SEC62: variants seen among roughly 807,000 people sequenced by gnomAD.
The protein encoded by SEC62 is translocation protein SEC62.
A neutral mutation model predicts 47.5 loss-of-function variants in SEC62; 10 were observed. The ratio of observed to expected loss-of-function variants is 0.21; its 90% CI spans 0.13 to 0.36. The LOEUF (loss-of-function observed/expected upper bound fraction) is 0.36. SEC62 is among the 10% of genes least tolerant of loss of function. The probability of loss-of-function intolerance (pLI) is 1.00; values close to 1 mark genes in which losing one functional copy is unlikely to be tolerated. For synonymous variants in SEC62, 136 were observed against 150.5 expected, an observed-to-expected ratio of 0.90 and a Z score of 0.71; for missense variants, 327 against 464.1, an observed-to-expected ratio of 0.70 and a Z score of 2.71.
At chr3:169,973,663 A>C (rs75254730) in intron 1 of SEC62, among the ~76,000 whole-genome samples, 1 of 121,414 alleles carries the variant, frequency 8.2e-6, no homozygotes, top group African/African-American at 4.9e-5. Context: ...ACTGCGTCTC[A>C]AAAAAAAAAA....
At chr3:169,976,599 G>A (rs532744170) in intron 2 of SEC62, among the ~76,000 whole-genome samples, 1 of 152,290 alleles carries the variant, frequency 6.6e-6, no homozygotes, top group South Asian at 2.1e-4. Flanking sequence ...TACTTGCAGG[G>A]AGTGGTGAAC....
chr3:169,988,410 T>C lies in SEC62; in HGVS notation c.730+51T>C, dbSNP rs1380605081. The C allele has an allele frequency of 3.8e-6, 6 of 1,590,620 alleles. No individual in the cohort carries two copies. In the South Asian group the frequency reaches 6.8e-5, roughly 18 times the overall value. Reference sequence around the variant, plus strand: ...CCTCAAGAAGGTTGGTATTGAGCAGTTGGACTGTAATTTGGAGCTTCAGTA... The same window carrying C: ...CCTCAAGAAGGTTGGTATTGAGCAGCTGGACTGTAATTTGGAGCTTCAGTA... On this transcript the variant is annotated intron_variant, in intron 7 of 7. Coordinates refer to ENST00000337002, the MANE Select transcript of SEC62 (RefSeq NM_003262.4).
rs570036866 is a variant in SEC62, at chr3:169,983,983, G to A, written c.549+730G>A. ...ATGCTTTATGCTTATCATTTGTAAT[G>A]GAAGATTTGTATGGTGGTAGCCTTC... is the stretch of plus-strand genomic sequence containing the variant. On this transcript the variant is annotated intron_variant, in intron 5 of 7. Transcript: ENST00000337002. 4.6e-5 allele frequency: 7 copies of A among 152,296 alleles called. No homozygotes were observed. The South Asian group carries it at 8.3e-4, about 18-fold the overall frequency. 9.4% of individuals were successfully genotyped at this position (152,296 alleles called of 1,614,324 possible).
chr3:169,995,923 A>G lies in SEC62; in HGVS notation c.*2860A>G, dbSNP rs1176056778. On this transcript the variant is annotated 3_prime_UTR_variant, in exon 8 of 8. Transcript: ENST00000337002. ...AGCTTATCTGACACATAAGCTTCAT[A>G]AGGCACACAACAGCCTTTTTACCCT... is the stretch of plus-strand genomic sequence containing the variant. 6.6e-6 allele frequency: 1 copy of G among 152,234 alleles called. No individual in the cohort carries two copies. Among genetic ancestry groups the G allele is most frequent in the Non-Finnish European group, 1.5e-5 (1 of 68,040 alleles). The allele number at this position is 152,234 out of a possible 1,614,324, so 9.4% of individuals were successfully genotyped here.
At chr3:169,982,090 AT>A (rs202164900) in intron 3 of SEC62, among the ~76,000 whole-genome samples, 1,768 of 152,328 alleles carry the variant, frequency 0.012, 44 homozygotes, top group African/African-American at 0.041. Flanking sequence ...CCAGGAATAC[AT>A]CATGTTTTGC....
chr3:169,983,261 TA>T lies in SEC62; in HGVS notation c.549+10del. ...TTTCTGGATGGAAATGAGGTGAGAG[TA>T]AGCCTATAACTAGAAGTTCAGTTTT... On this transcript the variant is annotated intron_variant, in intron 5 of 7. Coordinates refer to ENST00000337002, the MANE Select transcript of SEC62 (RefSeq NM_003262.4). 6.3e-7 allele frequency: 1 copy of T among 1,593,890 alleles called. No individual in the cohort carries two copies.
At chr3:169,991,850 T>G (rs1715254984) in intron 7 of SEC62, among the ~76,000 whole-genome samples, 1 of 152,248 alleles carries the variant, frequency 6.6e-6, no homozygotes, top group Admixed American at 6.5e-5. Context: ...ATTTTCATTT[T>G]TATTTCTTTT....
Position 169,977,003 on chromosome 3 carries a change from A to C in SEC62, c.203A>C (p.Glu68Ala). The C allele has an allele frequency of 6.2e-7, 1 of 1,611,598 alleles. No homozygotes were observed. The highest frequency in any genetic ancestry group is 8.5e-7 in the Non-Finnish European group (1 of 1,178,356). ...DSKWAKAKKGEEALFTTRESV... is the reference protein window; with the variant it reads ...DSKWAKAKKGAEALFTTRESV... ...AAGTGGGCAAAGGCCAAGAAAGGAG[A>C]GGAAGCTTTATTTACAACCAGGGAG... Residue 68 changes from glutamate (E) to alanine (A), a missense_variant, in exon 3 of 8, where the codon GAG becomes GCG. Coordinates refer to ENST00000337002, the MANE Select transcript of SEC62 (RefSeq NM_003262.4).
chr3:169,985,843 A>G lies in SEC62; in HGVS notation c.588A>G (p.Thr196=). ...TCTATGACCCAGTTCACTTTAAAAC[A>G]TTTGTCATGGGATTAATTCTTGGTA... ...VWIYDPVHFK[T]FVMGLILVIA... Residue 196 remains threonine (T), a synonymous_variant, in exon 6 of 8, where the codon ACA becomes ACG. Coordinates refer to ENST00000337002, the MANE Select transcript of SEC62 (RefSeq NM_003262.4). The G allele has an allele frequency of 6.2e-7, 1 of 1,612,326 alleles. No homozygotes were observed. The highest frequency in any genetic ancestry group is 1.7e-4 in the Middle Eastern group (1 of 6,050).
Position 169,998,234 on chromosome 3 carries a change from C to T in SEC62, c.*5171C>T, listed in dbSNP as rs1715433015. 6.6e-6 allele frequency: 1 copy of T among 152,124 alleles called. No individual in the cohort carries two copies. Among genetic ancestry groups the T allele is most frequent in the South Asian group, 2.1e-4 (1 of 4,834 alleles). The allele number at this position is 152,124 out of a possible 1,614,324, so 9.4% of individuals were successfully genotyped here. On this transcript the variant is annotated 3_prime_UTR_variant, in exon 8 of 8. Transcript: ENST00000337002. ...ATAGGACTATAACTTATTCAAAGGC[C>T]AATGATACTTCGCATAATTCAATTT...
At chr3:169,968,689 ATTG>A (rs1340681636) in intron 1 of SEC62, among the ~76,000 whole-genome samples, 1 of 152,072 alleles carries the variant, frequency 6.6e-6, no homozygotes, top group Non-Finnish European at 1.5e-5. Flanking sequence ...TTTAGATTGG[ATTG>A]TTATTTTATT....
At chr3:169,983,489 C>T (rs1715028404) in intron 5 of SEC62, 1 of 293,388 alleles carries the variant, frequency 3.4e-6, no homozygotes, top group African/African-American at 2.2e-5. Context: ...AAAATAGATG[C>T]TTATTTCTTT....
At chr3:169,985,728 C>T (rs918672950) in intron 5 of SEC62, 77 bp from the exon 6 acceptor site, 1 of 1,177,660 alleles carries the variant, frequency 8.5e-7, no homozygotes. Context: ...TTTAAGGGAC[C>T]TAAAATATAG....
chr3:169,973,414 G>A (rs1014226377), intron 1 of SEC62, among the ~76,000 whole-genome samples: 1 of 152,098 alleles, frequency 6.6e-6, no homozygotes, highest in Non-Finnish European at 1.5e-5. Flanking sequence ...GTAATCCCAA[G>A]ACTTTGGGAG....
chr3:169,973,010 A>C (rs1317583669), intron 1 of SEC62, among the ~76,000 whole-genome samples: 1 of 152,138 alleles, frequency 6.6e-6, no homozygotes, highest in African/African-American at 2.4e-5. Flanking sequence ...ATGAGGAAAA[A>C]ATTGAGCATG....
At chr3:169,975,491 G>C in intron 1 of SEC62, 117 bp from the exon 2 acceptor site, 1 of 610,146 alleles carries the variant, frequency 1.6e-6, no homozygotes, top group Non-Finnish European at 2.8e-6. Flanking sequence ...GAGAAAGCTT[G>C]AAAGCAAGGC....
chr3:169,987,242 C>T (rs1715131322), intron 6 of SEC62, among the ~76,000 whole-genome samples: 1 of 151,982 alleles, frequency 6.6e-6, no homozygotes, highest in African/African-American at 2.4e-5. Flanking sequence ...GCCTAGGCAA[C>T]ATGGCGAAAC....
chr3:169,982,593 T>A, intron 3 of SEC62, 114 bp from the exon 4 acceptor site: 1 of 1,272,708 alleles, frequency 7.9e-7, no homozygotes, highest in African/African-American at 1.5e-5. Flanking sequence ...TTGTAATTTC[T>A]CTTGTGTTGC....
In SEC62 at chr3:169,993,291, G is replaced by A; in HGVS notation, c.*228G>A. On this transcript the variant is annotated 3_prime_UTR_variant, in exon 8 of 8. Coordinates refer to ENST00000337002, the MANE Select transcript of SEC62 (RefSeq NM_003262.4). Reference sequence around the variant, plus strand: ...GTTTTATCCATTTGATAATTTTACAGTAAGTAGGTCTCATTCATTTTGACA... The same window carrying A: ...GTTTTATCCATTTGATAATTTTACAATAAGTAGGTCTCATTCATTTTGACA... 2.4e-6 allele frequency: 1 copy of A among 418,706 alleles called. No individual in the cohort carries two copies. The highest frequency in any genetic ancestry group is 2.0e-5 in the African/African-American group (1 of 49,062). 25.9% of individuals were successfully genotyped at this position (418,706 alleles called of 1,614,324 possible). A position where few individuals can be genotyped will look rare whatever the true frequency, so the allele number is the denominator to read the frequency against.
Sources: gnomAD v4.1 joint callset for allele counts (sites outside exome capture counted in the v4.1 genomes callset) on GRCh38, gnomAD v4.1.1 for gene constraint, MANE v1.5 for transcripts, NCBI Gene and HGNC (gene_info 2026-07-23, HGNC 2026-07-21) for gene names.